The following ATP2B4 variants were observed in gnomAD, a reference collection of about 807,000 sequenced individuals.
ATP2B4 encodes plasma membrane calcium-transporting ATPase 4.
In ATP2B4, 39 loss-of-function variants were observed where a neutral mutation model predicts 110.3. The observed-to-expected ratio is 0.35, with a 90% CI of 0.27 to 0.46. The LOEUF is 0.46. Ranked by LOEUF, ATP2B4 falls within the 20% of genes least tolerant of loss-of-function variation. The probability of loss-of-function intolerance (pLI) is 1.00; values close to 1 mark genes in which losing one functional copy is unlikely to be tolerated. For missense variants in ATP2B4, 1,135 were observed against 1,530.9 expected (o/e 0.74, Z 4.32); for synonymous variants, 538 against 571.7 (o/e 0.94, Z 0.84).
At chr1:203,678,912 C>T (rs1483336992) in intron 1 of ATP2B4, among the ~76,000 whole-genome samples, 1 of 152,120 alleles carries the variant, frequency 6.6e-6, no homozygotes, top group African/African-American at 2.4e-5. Context: ...ATTGATATGA[C>T]CAATGCTTTC....
At chr1:203,735,961 A>G (rs973027402) in intron 20 of ATP2B4, among the ~76,000 whole-genome samples, 1 of 152,182 alleles carries the variant, frequency 6.6e-6, no homozygotes, top group African/African-American at 2.4e-5. Context: ...CTCAAAGACT[A>G]GATCAGAGGA....
chr1:203,722,117 GA>G (rs1405020740), intron 17 of ATP2B4, among the ~76,000 whole-genome samples: 1 of 152,080 alleles, frequency 6.6e-6, no homozygotes, highest in Non-Finnish European at 1.5e-5. Flanking sequence ...AGCAAACTGA[GA>G]GAGAAGGTAA....
chr1:203,671,362 A>C (rs1044857895), intron 1 of ATP2B4, among the ~76,000 whole-genome samples: 1 of 152,040 alleles, frequency 6.6e-6, no homozygotes, highest in East Asian at 1.9e-4. Context: ...AAGTCTCACT[A>C]TGTTGCCAAG....
intron 1 of ATP2B4, among the ~76,000 whole-genome samples, chr1:203,653,960 A>AAT (rs376712958): frequency 3.7e-4 from 49 of 132,420 alleles, no homozygotes; most frequent in African/African-American, 1.4e-3. Flanking sequence ...TGGTTTGCCA[A>AAT]ATATATATAT....
At chr1:203,702,165 C>A in intron 7 of ATP2B4, 86 bp downstream of exon 7, 1 of 1,529,674 alleles carries the variant, frequency 6.5e-7, no homozygotes, top group African/African-American at 1.4e-5. Flanking sequence ...CTCCCTTTTC[C>A]TCTCCATAAA....
chr1:203,723,622 G>A (rs557954651), intron 18 of ATP2B4, among the ~76,000 whole-genome samples: 3 of 152,054 alleles, frequency 2.0e-5, no homozygotes, highest in South Asian at 2.1e-4. Flanking sequence ...GAAGCCACCA[G>A]CTCCCCTAAC....
intron 1 of ATP2B4, among the ~76,000 whole-genome samples, chr1:203,655,535 A>T (rs994926096): frequency 7.2e-5 from 11 of 152,052 alleles, no homozygotes; most frequent in African/African-American, 2.7e-4. Context: ...AATGCCAGCT[A>T]CTTGGAAGGC....
chr1:203,669,099 C>T (rs577726881), intron 1 of ATP2B4, among the ~76,000 whole-genome samples: 1 of 152,266 alleles, frequency 6.6e-6, no homozygotes, highest in South Asian at 2.1e-4. Flanking sequence ...ACCATCCCAC[C>T]ATTCTTCCAG....
At chr1:203,700,424 C>T in intron 5 of ATP2B4, 93 bp downstream of exon 5, 1 of 1,470,868 alleles carries the variant, frequency 6.8e-7, no homozygotes, top group Non-Finnish European at 9.1e-7. Context: ...GACTCTGTCC[C>T]ATCTCCTTCC....
At chr1:203,704,465 G>GTTTTT (rs1412958938) in intron 8 of ATP2B4, among the ~76,000 whole-genome samples, 1 of 104,492 alleles carries the variant, frequency 9.6e-6, no homozygotes, top group African/African-American at 4.2e-5. Flanking sequence ...TCAAGGAACA[G>GTTTTT]TCTTTTTTTT....
chr1:203,701,609 A>G (rs1281170866), intron 6 of ATP2B4, among the ~76,000 whole-genome samples: 1 of 152,240 alleles, frequency 6.6e-6, no homozygotes, highest in African/African-American at 2.4e-5. Flanking sequence ...ACATTCTCTC[A>G]GGAACTAAAT....
intron 2 of ATP2B4, among the ~76,000 whole-genome samples, chr1:203,694,551 G>A (rs191150477): frequency 1.2e-4 from 18 of 152,300 alleles, no homozygotes; most frequent in Non-Finnish European, 2.5e-4. Flanking sequence ...GAGAACAGCA[G>A]GCAGGCTGGT....
intron 17 of ATP2B4, among the ~76,000 whole-genome samples, 186 bp downstream of exon 17, chr1:203,721,596 AGTGTGTACT>A (rs1436217746): frequency 2.0e-5 from 3 of 151,552 alleles, no homozygotes; most frequent in Non-Finnish European, 2.9e-5. Flanking sequence ...TCTTGAGTAC[AGTGTGTACT>A]GTGTGTACTC....
intron 1 of ATP2B4, among the ~76,000 whole-genome samples, 184 bp from the exon 2 acceptor site, chr1:203,682,558 A>C (rs1354399127): frequency 6.6e-6 from 1 of 150,608 alleles, no homozygotes; most frequent in East Asian, 2.0e-4. Context: ...GGGGCCTCCC[A>C]GGAAGGAACG....
chr1:203,712,162 C>T (rs1003511408), intron 13 of ATP2B4, 23 bp downstream of exon 13: 1 of 1,610,222 alleles, frequency 6.2e-7, no homozygotes, highest in Non-Finnish European at 8.5e-7. Context: ...TAGGGGGAAC[C>T]AGGACCTCAC....
chr1:203,713,374 A>G, intron 14 of ATP2B4, 122 bp downstream of exon 14: 3 of 978,010 alleles, frequency 3.1e-6, no homozygotes, highest in Non-Finnish European at 4.7e-6. Context: ...GAGAGCTCCC[A>G]GGCTAGTGGG....
chr1:203,698,754 G>A (rs893468953), intron 3 of ATP2B4, among the ~76,000 whole-genome samples: 5 of 151,908 alleles, frequency 3.3e-5, no homozygotes, highest in East Asian at 3.9e-4. Flanking sequence ...CTCGTGCCTC[G>A]GCCTCCTGAG....
Position 203,701,029 on chromosome 1 carries a change from C to T in ATP2B4, c.901+106C>T. 3 of 1,388,038 alleles carry T rather than the reference C, an allele frequency of 2.2e-6. No homozygotes were observed. In the South Asian group the frequency reaches 4.3e-5, roughly 20 times the overall value. 86.0% of individuals were successfully genotyped at this position (1,388,038 alleles called of 1,614,324 possible). A position where few individuals can be genotyped will look rare whatever the true frequency, so the allele number is the denominator to read the frequency against. Reference sequence around the variant, plus strand: ...AAAGCATGGTTGGAAGAATCTGCTGCCATGAAGAAAGCAGATATCCAAACT... The same window carrying T: ...AAAGCATGGTTGGAAGAATCTGCTGTCATGAAGAAAGCAGATATCCAAACT... On this transcript the variant is annotated intron_variant, in intron 6 of 20. Coordinates refer to ENST00000357681, the MANE Select transcript of ATP2B4 (RefSeq NM_001684.5).
At chr1:203,686,354 G>A (rs1451964314) in intron 2 of ATP2B4, among the ~76,000 whole-genome samples, 4 of 152,166 alleles carry the variant, frequency 2.6e-5, no homozygotes, top group Admixed American at 6.5e-5. Context: ...ACTCCTGACA[G>A]CAGGATTCAG....
Sources: allele counts gnomAD v4.1 joint callset (sites outside exome capture counted in the v4.1 genomes callset), GRCh38; gene constraint gnomAD v4.1.1; transcripts MANE v1.5; gene names NCBI Gene and HGNC (gene_info 2026-07-23, HGNC 2026-07-21).